IQCH: variants seen among roughly 807,000 people sequenced by gnomAD.
IQCH encodes IQ domain-containing protein H.
IQCH carries 98 observed loss-of-function variants against 117.0 expected under a neutral mutation model. The ratio of observed to expected loss-of-function variants is 0.84; its 90% CI spans 0.71 to 0.99. The LOEUF (loss-of-function observed/expected upper bound fraction) is 0.99. Among genes scored for constraint, IQCH ranks in the 50% least tolerant of loss-of-function variants. The pLI, the probability that IQCH is intolerant of heterozygous loss-of-function variation, is 0.00. For synonymous variants in IQCH, 412 were observed against 448.2 expected (o/e 0.92, Z 1.02); for missense variants, 1,102 against 1,243.8 (o/e 0.89, Z 1.72).
intron 1 of IQCH, 148 bp downstream of exon 1, chr15:67,255,095 C>G: frequency 1.3e-6 from 1 of 741,452 alleles, no homozygotes; most frequent in East Asian, 2.7e-5. Context: ...AAATGCCCAC[C>G]CAGACCTTCC....
At position 67,400,149 on chromosome 15, in the gene IQCH, C is replaced by T. The variant is rs1971595550; in HGVS notation, c.1941C>T (p.His647=). The change falls in exon 14 of 21, where the codon CAC becomes CAT. Residue 647 remains histidine (H), a synonymous_variant. Transcript: ENST00000335894. ...IEQLSQLITD[H]LQIQRWLFKM... ...AGCTGAGTCAGCTGATAACTGATCA[C>T]CTGCAAATACAGCGTTGGCTCTTTA... The T allele has an allele frequency of 6.2e-7, 1 of 1,613,874 alleles. No homozygotes were observed. Among genetic ancestry groups the T allele is most frequent in the Non-Finnish European group, 8.5e-7 (1 of 1,179,860 alleles).
rs1032780319 is a variant in IQCH at position 67,500,097 on chromosome 15, G to A, written c.2971-536G>A. Among the ~76,000 whole-genome samples the A allele has an allele frequency of 6.6e-6, 1 of 152,172 alleles. No homozygotes were observed. Among genetic ancestry groups the A allele is most frequent in the African/African-American group, 2.4e-5 (1 of 41,546 alleles). On this transcript the variant is annotated intron_variant, in intron 20 of 20. Transcript: ENST00000335894. The surrounding 1 kb of genome is among the most constrained non-coding windows in gnomAD (Gnocchi z 4.4). ...ACCACTGAATTGTATACTTTATAAG[G>A]GTGAATTTTATGGTATGGGAATTGT...
intron 4 of IQCH, among the ~76,000 whole-genome samples, chr15:67,284,088 A>G (rs543592840): frequency 6.6e-6 from 1 of 152,168 alleles, no homozygotes; most frequent in East Asian, 1.9e-4. Flanking sequence ...ATGTACAGTA[A>G]ATTATTACTG....
chr15:67,265,525 T>C (rs948174907), intron 3 of IQCH, among the ~76,000 whole-genome samples: 13 of 152,210 alleles, frequency 8.5e-5, no homozygotes, highest in African/African-American at 3.1e-4. Context: ...TAAAGTGGCA[T>C]GCCATCAGAA....
chr15:67,443,351 TC>T lies in IQCH; in HGVS notation c.2505+21775del. Reference sequence around the variant, plus strand: ...ATGGAAAACCGGACATCGTATGTTCTCACTGATATGTGGGAGCTAAGCTATG... The same window carrying T: ...ATGGAAAACCGGACATCGTATGTTCTACTGATATGTGGGAGCTAAGCTATG... On this transcript the variant is annotated intron_variant, in intron 16 of 20. Transcript: ENST00000335894. The surrounding 1 kb of genome is among the most constrained non-coding windows in gnomAD (Gnocchi z 5.0). 6.6e-6 allele frequency among the ~76,000 whole-genome samples: 1 copy of T among 152,162 alleles called. No homozygotes were observed. Among genetic ancestry groups the T allele is most frequent in the Non-Finnish European group, 1.5e-5 (1 of 68,032 alleles).
At position 67,404,225 on chromosome 15, in the gene IQCH, A is replaced by G. The variant is rs1354834201; in HGVS notation, c.2097+3920A>G. 6.6e-6 allele frequency: 1 copy of G among 152,224 alleles called. No individual in the cohort carries two copies. Among genetic ancestry groups the G allele is most frequent in the African/African-American group, 2.4e-5 (1 of 41,458 alleles). 9.4% of individuals were successfully genotyped at this position (152,224 alleles called of 1,614,324 possible). ...GGTAGGAGAAGAACTATGCCTGGAA[A>G]AGGTAGAATAAACCACAGTTGTTTT... On this transcript the variant is annotated intron_variant, in intron 14 of 20. Transcript: ENST00000335894. This position sits in a 1 kb window ranked among gnomAD's most constrained non-coding sequence, Gnocchi z 4.6.
intron 4 of IQCH, among the ~76,000 whole-genome samples, chr15:67,295,364 C>T (rs999194050): frequency 6.6e-6 from 1 of 152,126 alleles, no homozygotes; most frequent in African/African-American, 2.4e-5. Context: ...TGGCCAAGTA[C>T]TGGCTAATGA....
In IQCH at chr15:67,473,636, TA is replaced by T. The variant is rs1418435507; in HGVS notation, c.2677-2057del. On this transcript the variant is annotated intron_variant, in intron 17 of 20. Transcript: ENST00000335894. This position sits in a 1 kb window ranked among gnomAD's most constrained non-coding sequence, Gnocchi z 4.9. ...CATGTATTCATTCTCTTTTATTTAA[TA>T]AACACCAAGTGCCTGTTCTGTGCTG... 6.6e-6 allele frequency among the ~76,000 whole-genome samples: 1 copy of T among 152,202 alleles called. No individual in the cohort carries two copies. The highest frequency in any genetic ancestry group is 1.5e-5 in the Non-Finnish European group (1 of 68,040).
At position 67,411,765 on chromosome 15, in the gene IQCH, A is replaced by G. The variant is rs2081457758; in HGVS notation, c.2098-5166A>G. On this transcript the variant is annotated intron_variant, in intron 14 of 20. Coordinates refer to ENST00000335894, the MANE Select transcript of IQCH (RefSeq NM_001031715.3). This position sits in a 1 kb window ranked among gnomAD's most constrained non-coding sequence, Gnocchi z 4.4. ...GTATTAAGCTTTAGTCACTAGCTTTAGTCATTGAGTGCAATGGAGAGTCTA... is the reference window on the plus strand; with the variant it reads ...GTATTAAGCTTTAGTCACTAGCTTTGGTCATTGAGTGCAATGGAGAGTCTA... Among the ~76,000 whole-genome samples, 1 of 152,228 alleles carries G rather than the reference A, an allele frequency of 6.6e-6. No individual in the cohort carries two copies. The highest frequency in any genetic ancestry group is 1.5e-5 in the Non-Finnish European group (1 of 68,028).
chr15:67,322,601 C>T (rs752535913), intron 4 of IQCH, among the ~76,000 whole-genome samples: 11 of 152,188 alleles, frequency 7.2e-5, no homozygotes, highest in African/African-American at 2.2e-4. Flanking sequence ...TGGGCCCTGA[C>T]GCTGGAGGTG....
At chr15:67,471,129 T>A (rs1214644970) in intron 17 of IQCH, among the ~76,000 whole-genome samples, 1 of 152,322 alleles carries the variant, frequency 6.6e-6, no homozygotes. Context: ...TTTTGGGTTG[T>A]TTTCAGTTTT....
At chr15:67,367,882 T>G (rs1179359955) in intron 8 of IQCH, among the ~76,000 whole-genome samples, 5 of 152,194 alleles carry the variant, frequency 3.3e-5, no homozygotes, top group African/African-American at 1.2e-4. Context: ...GAATTTTGTC[T>G]TATAGTAACA....
chr15:67,418,830 G>A (rs139838339), intron 15 of IQCH, among the ~76,000 whole-genome samples: 1,642 of 151,524 alleles, frequency 0.011, 30 homozygotes, highest in African/African-American at 0.038. Flanking sequence ...CGCCCGCCTC[G>A]GCCTCCCGAA....
chr15:67,456,500 G>A lies in IQCH; in HGVS notation c.2506-8627G>A, dbSNP rs937911263. Among the ~76,000 whole-genome samples, 3 of 152,146 alleles carry A rather than the reference G, an allele frequency of 2.0e-5. No homozygotes were observed. The highest frequency in any genetic ancestry group is 7.2e-5 in the African/African-American group (3 of 41,434). On this transcript the variant is annotated intron_variant, in intron 16 of 20. Transcript: ENST00000335894. This position sits in a 1 kb window ranked among gnomAD's most constrained non-coding sequence, Gnocchi z 5.1. ...TTCTCAGTCAGCCAGGACAGTGCTG[G>A]TTAAGACCTCCCTAAGCCCTGAGTA...
chr15:67,313,483 T>C (rs888340822), intron 4 of IQCH, among the ~76,000 whole-genome samples: 2 of 152,102 alleles, frequency 1.3e-5, no homozygotes, highest in African/African-American at 4.8e-5. Flanking sequence ...CAAGGATCAA[T>C]GTAATTGATG....
chr15:67,346,966 A>T (rs1231063520), intron 6 of IQCH, among the ~76,000 whole-genome samples: 1 of 152,132 alleles, frequency 6.6e-6, no homozygotes, highest in East Asian at 1.9e-4. Context: ...TTAAAAAAAT[A>T]TTTTGAATTA....
At chr15:67,303,958 C>T (rs1442919864) in intron 4 of IQCH, among the ~76,000 whole-genome samples, 1 of 152,210 alleles carries the variant, frequency 6.6e-6, no homozygotes, top group South Asian at 2.1e-4. Flanking sequence ...CCAAGGGAGC[C>T]CTCTACCTGT....
chr15:67,272,921 T>C (rs1965962643), intron 3 of IQCH, among the ~76,000 whole-genome samples: 1 of 152,230 alleles, frequency 6.6e-6, no homozygotes, highest in African/African-American at 2.4e-5. Flanking sequence ...TTCAGTCTTA[T>C]TATTGCTGAG....
intron 4 of IQCH, among the ~76,000 whole-genome samples, chr15:67,332,444 T>G (rs1473953776): frequency 6.6e-6 from 1 of 152,172 alleles, no homozygotes; most frequent in African/African-American, 2.4e-5. Flanking sequence ...CAAGTATGAC[T>G]TGCTTTAATT....
Sources: allele counts gnomAD v4.1 joint callset (sites outside exome capture counted in the v4.1 genomes callset), GRCh38; gene constraint gnomAD v4.1.1; non-coding constraint Gnocchi (gnomAD v3.1); transcripts MANE v1.5; gene names NCBI Gene and HGNC (gene_info 2026-07-23, HGNC 2026-07-21).